Variants in TRIP12 observed in about 807,000 individuals in gnomAD.
The protein encoded by TRIP12 is E3 ubiquitin-protein ligase TRIP12.
In TRIP12, 25 loss-of-function variants were observed where a neutral mutation model predicts 244.2. That is an observed-to-expected ratio of 0.10 (90% CI 0.07 to 0.14). The LOEUF is 0.14. TRIP12 is among the 10% of genes least tolerant of loss of function. The pLI, the probability that TRIP12 is intolerant of heterozygous loss-of-function variation, is 1.00. For synonymous variants in TRIP12, 905 were observed against 873.1 expected (o/e 1.04, Z -0.64); for missense variants, 1,677 against 2,486.4 (o/e 0.67, Z 6.92).
chr2:229,801,895 A>C (rs2044459814), intron 21 of TRIP12, among the ~76,000 whole-genome samples: 1 of 152,212 alleles, frequency 6.6e-6, no homozygotes, highest in Non-Finnish European at 1.5e-5. Context: ...GTATGTATGC[A>C]GCAGCACAAA....
In TRIP12 at chr2:229,769,292, T is replaced by G. The variant is rs2033188432; in HGVS notation, c.5842A>C (p.Thr1948Pro). 6.2e-7 allele frequency: 1 copy of G among 1,613,948 alleles called. No individual in the cohort carries two copies. Reference protein sequence around the residue: ...DQLLCGSKADTWDAKTLMECC... With the variant: ...DQLLCGSKADPWDAKTLMECC... ...TCCATCAGTGTCTTTGCATCCCAAGTGTCTGCTTTACTGCCACAAAGGAGC... is the reference window on the plus strand; with the variant it reads ...TCCATCAGTGTCTTTGCATCCCAAGGGTCTGCTTTACTGCCACAAAGGAGC... The change falls in exon 40 of 42, where the codon ACT becomes CCT. Residue 1948 changes from threonine (T) to proline (P), a missense_variant. By Grantham distance (38) the Thr-to-Pro change is conservative. Around this residue, in one of 11 missense-constraint regions of TRIP12, gnomAD observed 171 missense variants for 388.4 expected, o/e 0.44. Coordinates refer to ENST00000675903, the MANE Select transcript of TRIP12 (RefSeq NM_001348323.3).
Position 229,808,302 on chromosome 2 carries a change from A to G in TRIP12, c.2289T>C (p.Asp763=), listed in dbSNP as rs2046385354. The G allele has an allele frequency of 1.9e-6, 3 of 1,613,972 alleles. No individual in the cohort carries two copies. The highest frequency in any genetic ancestry group is 1.7e-6 in the Non-Finnish European group (2 of 1,179,956). ...ACTCTTGAGGGCTTCGTGGAACAAG[A>G]TCAATCTGTTCCTGACAACTTCCAT... ...ASNGSCQEQI[D]LVPRSPQELY... Residue 763 remains aspartate (D), a synonymous_variant, in exon 16 of 42, where the codon GAT becomes GAC. Coordinates refer to ENST00000675903, the MANE Select transcript of TRIP12 (RefSeq NM_001348323.3).
intron 4 of TRIP12, among the ~76,000 whole-genome samples, chr2:229,841,734 T>TA (rs2056464471): frequency 6.6e-6 from 1 of 152,214 alleles, no homozygotes; most frequent in African/African-American, 2.4e-5. Flanking sequence ...AGCATCATCT[T>TA]AAACAGCTGT....
In TRIP12 at chr2:229,771,451, T is replaced by C. The variant is rs2034317714; in HGVS notation, c.5808+68A>G. 3.0e-6 allele frequency: 4 copies of C among 1,350,508 alleles called. No homozygotes were observed. In the Admixed American group the frequency reaches 7.4e-5, roughly 25 times the overall value. 83.7% of individuals were successfully genotyped at this position (1,350,508 alleles called of 1,614,324 possible). A position where few individuals can be genotyped will look rare whatever the true frequency, so the allele number is the denominator to read the frequency against. On this transcript the variant is annotated intron_variant, in intron 39 of 41. Coordinates refer to ENST00000675903, the MANE Select transcript of TRIP12 (RefSeq NM_001348323.3). Reference sequence around the variant, plus strand: ...TTTGTGCAACAATACGGTCTTTGACTAGGCAGCACAGAAACACTCCACTAA... The same window carrying C: ...TTTGTGCAACAATACGGTCTTTGACCAGGCAGCACAGAAACACTCCACTAA...
intron 5 of TRIP12, 135 bp from the exon 6 acceptor site, chr2:229,837,119 C>CA (rs1345818803): frequency 1.3e-5 from 12 of 895,254 alleles, no homozygotes; most frequent in Non-Finnish European, 1.8e-5. Context: ...AGTAAGTGCA[C>CA]AAAATCACCA....
At chr2:229,883,110 G>T (rs957692846) in intron 1 of TRIP12, among the ~76,000 whole-genome samples, 6 of 152,172 alleles carry the variant, frequency 3.9e-5, no homozygotes, top group Non-Finnish European at 7.3e-5. Flanking sequence ...GGCTGGAAGG[G>T]ACCCTCGGAG....
At chr2:229,871,891 A>G (rs2062666501) in intron 2 of TRIP12, among the ~76,000 whole-genome samples, 1 of 152,042 alleles carries the variant, frequency 6.6e-6, no homozygotes, top group Non-Finnish European at 1.5e-5. Context: ...TCCACTTGCA[A>G]TAACCTAGCT....
Position 229,893,320 on chromosome 2 carries a change from C to A in TRIP12, c.-49-13192G>T, listed in dbSNP as rs932312801. ...TTCATGTTTTCAGTTAAATTTTCAACAACGAAATGCCCAAGTGTTAAGTGT... is the reference window on the plus strand; with the variant it reads ...TTCATGTTTTCAGTTAAATTTTCAAAAACGAAATGCCCAAGTGTTAAGTGT... On this transcript the variant is annotated intron_variant, in intron 1 of 41. Coordinates refer to ENST00000675903, the MANE Select transcript of TRIP12 (RefSeq NM_001348323.3). Among the ~76,000 whole-genome samples the A allele has an allele frequency of 2.0e-5, 3 of 152,124 alleles. No individual in the cohort carries two copies. In the East Asian group the frequency reaches 5.8e-4, roughly 29 times the overall value.
At chr2:229,800,080 A>G (rs2154267271) in intron 21 of TRIP12, among the ~76,000 whole-genome samples, 1 of 152,348 alleles carries the variant, frequency 6.6e-6, no homozygotes, top group East Asian at 1.9e-4. Context: ...CACATAACAC[A>G]CTTTTTCCAT....
intron 8 of TRIP12, among the ~76,000 whole-genome samples, chr2:229,825,269 T>C (rs978025512): frequency 1.3e-5 from 2 of 152,184 alleles, no homozygotes; most frequent in Non-Finnish European, 2.9e-5. Flanking sequence ...CCTGTAGACC[T>C]AAATATGAAT....
At chr2:229,922,410 C>G, upstream of TRIP12, 4 of 1,074,104 alleles carry the variant, frequency 3.7e-6, no homozygotes, top group Non-Finnish European at 5.6e-6. Context: ...ATCCTTCTGC[C>G]AGCTCATAAG....
intron 1 of TRIP12, among the ~76,000 whole-genome samples, chr2:229,904,931 G>A (rs573332254): frequency 5.9e-5 from 9 of 152,264 alleles, no homozygotes; most frequent in African/African-American, 1.7e-4. Flanking sequence ...GAGTATAGGA[G>A]AACTCTATCT....
intron 1 of TRIP12, among the ~76,000 whole-genome samples, chr2:229,902,755 G>C (rs4972920): frequency 2.0e-5 from 3 of 152,136 alleles, no homozygotes; most frequent in Admixed American, 2.0e-4. Flanking sequence ...TTCAAAAAAG[G>C]TTCAGGGCAT....
At chr2:229,897,337 A>G (rs1241760715) in intron 1 of TRIP12, among the ~76,000 whole-genome samples, 4 of 152,350 alleles carry the variant, frequency 2.6e-5, no homozygotes, top group East Asian at 3.9e-4. Context: ...AGCAACCAAT[A>G]TAACAAGACA....
At chr2:229,912,678 G>C (rs146465706) in intron 1 of TRIP12, among the ~76,000 whole-genome samples, 2 of 152,104 alleles carry the variant, frequency 1.3e-5, no homozygotes, top group Admixed American at 6.6e-5. Context: ...TATAAAACTC[G>C]ATCTTGTACT....
intron 30 of TRIP12, 152 bp downstream of exon 30, chr2:229,790,972 G>A (rs541240569): frequency 1.0e-6 from 1 of 978,952 alleles, no homozygotes; most frequent in Admixed American, 2.7e-5. Flanking sequence ...TTAAAGTTGA[G>A]GATTAAATGT....
intron 40 of TRIP12, 95 bp from the exon 41 acceptor site, chr2:229,768,814 A>G: frequency 8.5e-7 from 1 of 1,171,974 alleles, no homozygotes; most frequent in Non-Finnish European, 1.2e-6. Context: ...AAATTAGATT[A>G]GCACTTTTAA....
chr2:229,870,487 A>G (rs985530392), intron 2 of TRIP12, among the ~76,000 whole-genome samples: 3 of 152,236 alleles, frequency 2.0e-5, no homozygotes, highest in Non-Finnish European at 4.4e-5. Flanking sequence ...AAAATGTTAC[A>G]GTGCTTTGGG....
At chr2:229,784,372 AAT>A (rs149072989) in intron 34 of TRIP12, among the ~76,000 whole-genome samples, 7,450 of 149,302 alleles carry the variant, frequency 0.05, 607 homozygotes, top group African/African-American at 0.17. Flanking sequence ...AACTGTAATT[AAT>A]ATATATATAT....
Sources: allele counts gnomAD v4.1 joint callset (sites outside exome capture counted in the v4.1 genomes callset), GRCh38; gene constraint gnomAD v4.1.1; regional missense constraint gnomAD v4.1.1; transcripts MANE v1.5; gene names NCBI Gene and HGNC (gene_info 2026-07-23, HGNC 2026-07-21).